The following UBXN2A variants were observed in gnomAD, a reference collection of about 807,000 sequenced individuals.
UBXN2A encodes the protein UBX domain protein 2A, also known as UBX domain-containing protein 2A.
Under a neutral mutation model 28.4 loss-of-function variants are expected in UBXN2A, and 28 were observed. That is an observed-to-expected ratio of 0.99 (90% CI 0.73 to 1.35). The LOEUF is 1.35. Among genes scored for constraint, UBXN2A ranks in the 40% most tolerant of loss-of-function variants. The probability of loss-of-function intolerance (pLI) is 0.00; values close to 1 mark genes in which losing one functional copy is unlikely to be tolerated. For synonymous variants in UBXN2A, 97 were observed against 103.6 expected, an observed-to-expected ratio of 0.94 and a Z score of 0.39; for missense variants, 253 against 297.9, an observed-to-expected ratio of 0.85 and a Z score of 1.11.
chr2:23,953,266 A>G (rs1399970390), intron 1 of UBXN2A, among the ~76,000 whole-genome samples: 10 of 152,198 alleles, frequency 6.6e-5, no homozygotes, highest in Admixed American at 6.5e-4. Flanking sequence ...AAATTTTATT[A>G]TGAAACTTTT....
In UBXN2A at chr2:24,000,010, T is replaced by C; in HGVS notation, c.*143T>C. On this transcript the variant is annotated 3_prime_UTR_variant, in exon 7 of 7. Transcript: ENST00000309033. ...AACTCTCTCCTGATGAGAAGATGTT[T>C]AGATAAGTACAAGTTAAGAAAGTAG... is the stretch of plus-strand genomic sequence containing the variant. 1 of 744,202 alleles carries C rather than the reference T, an allele frequency of 1.3e-6. No homozygotes were observed. Among genetic ancestry groups the C allele is most frequent in the Non-Finnish European group, 2.2e-6 (1 of 463,158 alleles). 46.1% of individuals were successfully genotyped at this position (744,202 alleles called of 1,614,324 possible).
rs183904569 is a variant in UBXN2A at position 23,945,744 on chromosome 2, G to A, written c.-15+5096G>A. Among the ~76,000 whole-genome samples, 123 of 151,868 alleles carry A rather than the reference G, an allele frequency of 8.1e-4. 1 individual carries two copies. The East Asian group carries it at 0.019, about 24-fold the overall frequency. On this transcript the variant is annotated intron_variant, in intron 1 of 6. Coordinates refer to ENST00000309033, the MANE Select transcript of UBXN2A (RefSeq NM_181713.4). The stretch of plus-strand genomic sequence containing the variant: ...TTCTCCTCAAATTCCTTTTGACCAT[G>A]AAATATATGTTTTAAAAAATAAAAT...
At chr2:23,999,352 A>C (rs1185673506) in intron 6 of UBXN2A, among the ~76,000 whole-genome samples, 1 of 152,194 alleles carries the variant, frequency 6.6e-6, no homozygotes, top group African/African-American at 2.4e-5. Context: ...ATTGTCATCA[A>C]ATTTCTGGGA....
chr2:23,996,782 T>TC (rs1162509376), intron 6 of UBXN2A: 1 of 152,136 alleles, frequency 6.6e-6, no homozygotes, highest in Non-Finnish European at 1.5e-5. Context: ...GACTTTTTTT[T>TC]TTTTTTTTAA....
intron 6 of UBXN2A, among the ~76,000 whole-genome samples, chr2:23,993,747 G>A (rs865834618): frequency 4.6e-5 from 7 of 151,180 alleles, no homozygotes; most frequent in Middle Eastern, 3.4e-3. Flanking sequence ...GAGCGCAGCG[G>A]AGTGATCTCA....
At chr2:23,967,138 C>G (rs914020072) in intron 2 of UBXN2A, among the ~76,000 whole-genome samples, 5 of 152,130 alleles carry the variant, frequency 3.3e-5, no homozygotes, top group Admixed American at 6.6e-5. Context: ...CCACTCCACT[C>G]CACTCTACCC....
intron 6 of UBXN2A, among the ~76,000 whole-genome samples, chr2:23,992,638 C>T (rs1224818568): frequency 6.6e-6 from 1 of 152,150 alleles, no homozygotes; most frequent in Non-Finnish European, 1.5e-5. Context: ...CTGCTGTTTC[C>T]TCAAATGCCA....
chr2:23,937,713 G>A (rs544751851), upstream of UBXN2A, among the ~76,000 whole-genome samples: 4 of 152,298 alleles, frequency 2.6e-5, no homozygotes, highest in South Asian at 2.1e-4. Context: ...AGACTTGTAC[G>A]TGGAAAACTA....
At chr2:23,969,538 T>G (rs569026571) in intron 2 of UBXN2A, among the ~76,000 whole-genome samples, 50 of 152,090 alleles carry the variant, frequency 3.3e-4, no homozygotes, top group African/African-American at 1.2e-3. Context: ...AATTTTTGTA[T>G]TTTTTGTAGA....
Position 23,999,853 on chromosome 2 carries a change from C to T in UBXN2A, c.766C>T (p.Leu256Phe). ...CCAAAAAACTGCATCTTTTAGAGAA[C>T]TTTCAGAGCACTGATTTTTGATAGA... ...RLQKTASFRELSEH is the reference protein window; with the variant it reads ...RLQKTASFREFSEH The change falls in exon 7 of 7, where the codon CTT (leucine) becomes TTT (phenylalanine). Residue 256 changes from leucine to phenylalanine, a missense_variant. Physicochemically the swap from Leu to Phe is conservative, Grantham distance 22 (BLOSUM62 0). Coordinates refer to ENST00000309033, the MANE Select transcript of UBXN2A (RefSeq NM_181713.4). 1 of 1,611,528 alleles carries T rather than the reference C, an allele frequency of 6.2e-7. No individual in the cohort carries two copies. Among genetic ancestry groups the T allele is most frequent in the South Asian group, 1.1e-5 (1 of 90,570 alleles).
rs1416926365 is a variant in UBXN2A at position 24,002,549 on chromosome 2, A to C, written c.*2682A>C. Reference sequence around the variant, plus strand: ...CACAGCCTCCCGAGTAGCTGGGATTATAGGCGCCCACTACCACGCCTGGCT... The same window carrying C: ...CACAGCCTCCCGAGTAGCTGGGATTCTAGGCGCCCACTACCACGCCTGGCT... On this transcript the variant is annotated 3_prime_UTR_variant, in exon 7 of 7. Transcript: ENST00000309033. 6.6e-6 allele frequency: 1 copy of C among 152,074 alleles called. No individual in the cohort carries two copies. The highest frequency in any genetic ancestry group is 2.4e-5 in the African/African-American group (1 of 41,374). 9.4% of individuals were successfully genotyped at this position (152,074 alleles called of 1,614,324 possible). A position where few individuals can be genotyped will look rare whatever the true frequency, so the allele number is the denominator to read the frequency against.
intron 6 of UBXN2A, among the ~76,000 whole-genome samples, chr2:23,994,361 T>C (rs1708455840): frequency 6.6e-6 from 1 of 152,214 alleles, no homozygotes; most frequent in African/African-American, 2.4e-5. Flanking sequence ...TTGGGGAGTT[T>C]CTTGGCCAGT....
chr2:23,986,754 C>T (rs1007984120), intron 6 of UBXN2A, among the ~76,000 whole-genome samples: 3 of 151,914 alleles, frequency 2.0e-5, no homozygotes, highest in African/African-American at 4.8e-5. Flanking sequence ...ATTACAGGCA[C>T]GTGCCACCAT....
intron 1 of UBXN2A, among the ~76,000 whole-genome samples, chr2:23,940,943 G>T (rs1336399002): frequency 1.3e-5 from 2 of 152,142 alleles, no homozygotes; most frequent in Non-Finnish European, 2.9e-5. Context: ...CTCGCAGGGC[G>T]TTCCGAAACT....
chr2:23,932,832 G>A lies in UBXN2A; in HGVS notation c.-138+5217G>A, dbSNP rs932994884. Reference sequence around the variant, plus strand: ...AAAAGAATCATCATGACAACCAGGCGCGGTGGCTCACGCCTGTAATCCCAG... The same window carrying A: ...AAAAGAATCATCATGACAACCAGGCACGGTGGCTCACGCCTGTAATCCCAG... On this transcript the variant is annotated intron_variant, in intron 1 of 7. Coordinates refer to the UBXN2A transcript ENST00000404924. Among the ~76,000 whole-genome samples the A allele has an allele frequency of 2.0e-5, 3 of 152,288 alleles. No homozygotes were observed. The South Asian group carries it at 6.2e-4, about 32-fold the overall frequency.
At chr2:23,961,667 C>T (rs890542219) in intron 2 of UBXN2A, among the ~76,000 whole-genome samples, 1 of 147,120 alleles carries the variant, frequency 6.8e-6, no homozygotes, top group East Asian at 2.1e-4. Context: ...CCTGCCTCAG[C>T]CTCCCGAGTA....
chr2:23,928,686 G>C (rs1038524014), intron 1 of UBXN2A, among the ~76,000 whole-genome samples: 5 of 152,122 alleles, frequency 3.3e-5, no homozygotes, highest in Non-Finnish European at 5.9e-5. Flanking sequence ...CTCAGGAAAA[G>C]TCCTGAAAAT....
chr2:23,940,826 G>A (rs1304366027), intron 1 of UBXN2A, among the ~76,000 whole-genome samples, 178 bp downstream of exon 1: 2 of 151,978 alleles, frequency 1.3e-5, no homozygotes, highest in Non-Finnish European at 2.9e-5. Context: ...CGCCGGCGGC[G>A]GAGCCCGAGC....
chr2:23,950,051 C>T (rs970601957), intron 1 of UBXN2A, among the ~76,000 whole-genome samples: 2 of 117,908 alleles, frequency 1.7e-5, no homozygotes, highest in East Asian at 3.0e-4. Flanking sequence ...CTTTGCTTTG[C>T]ACTTGCTGCA....
Sources: allele counts gnomAD v4.1 joint callset (sites outside exome capture counted in the v4.1 genomes callset), GRCh38; gene constraint gnomAD v4.1.1; transcripts MANE v1.5; gene names NCBI Gene and HGNC (gene_info 2026-07-23, HGNC 2026-07-21).